ZFHX3: variants seen among roughly 807,000 people sequenced by gnomAD.
ZFHX3 encodes zinc finger homeobox 3.
Under a neutral mutation model 279.1 loss-of-function variants are expected in ZFHX3, and 42 were observed. The observed-to-expected ratio is 0.15, with a 90% CI of 0.12 to 0.19. The LOEUF is 0.19. Ranked by LOEUF, ZFHX3 falls within the 10% of genes least tolerant of loss-of-function variation. The probability of loss-of-function intolerance (pLI) is 1.00; values close to 1 mark genes in which losing one functional copy is unlikely to be tolerated. For synonymous variants in ZFHX3, 2,293 were observed against 1,957.8 expected (o/e 1.17, Z -4.52); for missense variants, 4,981 against 4,754.0 (o/e 1.05, Z -1.40).
At position 72,798,216 on chromosome 16, in the gene ZFHX3, A is replaced by C. The variant is rs769789995; in HGVS notation, c.4466T>G (p.Val1489Gly). 1.9e-6 allele frequency: 3 copies of C among 1,614,158 alleles called. No individual in the cohort carries two copies. Among genetic ancestry groups the C allele is most frequent in the Non-Finnish European group, 2.5e-6 (3 of 1,180,030 alleles). ...PTLAEDHTII[V>G]EEDKEEESDL... ...ACTCTCTTCCTCCTTGTCTTCCTCA[A>C]CAATTATGGTATGGTCCTCTGCCAG... Residue 1489 changes from valine to glycine, a missense_variant, in exon 9 of 10, where the codon GTT becomes GGT. Transcript: ENST00000268489.
chr16:73,589,811 T>C (rs562851473), intron 2 of ZFHX3, among the ~76,000 whole-genome samples: 2 of 138,170 alleles, frequency 1.4e-5, no homozygotes, highest in African/African-American at 5.4e-5. Flanking sequence ...TGGAACCTGG[T>C]AAAAGTATAA....
intron 7 of ZFHX3, among the ~76,000 whole-genome samples, chr16:73,094,088 C>T (rs1443768234): frequency 2.0e-5 from 3 of 152,190 alleles, no homozygotes; most frequent in Admixed American, 2.0e-4. Context: ...CAAATGCACA[C>T]ACAAGCTAGG....
chr16:73,750,037 C>T (rs1440257506), intron 1 of ZFHX3, among the ~76,000 whole-genome samples: 1 of 152,198 alleles, frequency 6.6e-6, no homozygotes, highest in Non-Finnish European at 1.5e-5. Context: ...TCCATTCACC[C>T]ATCCATCCAA....
intron 2 of ZFHX3, among the ~76,000 whole-genome samples, chr16:73,533,370 C>T (rs1318306902): frequency 2.7e-5 from 4 of 150,148 alleles, no homozygotes; most frequent in Non-Finnish European, 5.9e-5. Flanking sequence ...ATCCTCTTAT[C>T]TGAAGTGAAA....
At chr16:72,918,231 C>A (rs546787952) in intron 3 of ZFHX3, among the ~76,000 whole-genome samples, 1 of 152,034 alleles carries the variant, frequency 6.6e-6, no homozygotes, top group East Asian at 1.9e-4. Context: ...AAGCAGGGGG[C>A]AAGGATGGTA....
At chr16:73,172,214 A>G (rs191042057) in intron 5 of ZFHX3, among the ~76,000 whole-genome samples, 72 of 152,318 alleles carry the variant, frequency 4.7e-4, no homozygotes, top group African/African-American at 1.7e-3. Flanking sequence ...TCCAACAGCA[A>G]GTCCGGCAGC....
chr16:72,829,627 C>T (rs781132605), intron 5 of ZFHX3, 152 bp downstream of exon 5: 30 of 741,748 alleles, frequency 4.0e-5, no homozygotes, highest in South Asian at 2.4e-4. Flanking sequence ...AAGAAGCAAA[C>T]GAAATCTCCC....
chr16:73,205,436 G>A (rs779562815), intron 5 of ZFHX3, among the ~76,000 whole-genome samples: 23 of 152,268 alleles, frequency 1.5e-4, no homozygotes, highest in Admixed American at 2.6e-4. Flanking sequence ...CCAGTAAAAC[G>A]ATTTAGTTAG....
At chr16:73,273,950 C>G (rs2143036268) in intron 4 of ZFHX3, among the ~76,000 whole-genome samples, 1 of 152,248 alleles carries the variant, frequency 6.6e-6, no homozygotes, top group African/African-American at 2.4e-5. Flanking sequence ...TGAGACCAGC[C>G]TGGCCAACAT....
At chr16:72,906,908 G>C (rs1454512870) in intron 3 of ZFHX3, among the ~76,000 whole-genome samples, 1 of 152,160 alleles carries the variant, frequency 6.6e-6, no homozygotes, top group Non-Finnish European at 1.5e-5. Context: ...CTAGAGAGAG[G>C]ACTGCCCAGA....
chr16:73,663,502 C>T (rs2052806206), intron 2 of ZFHX3, among the ~76,000 whole-genome samples: 1 of 152,150 alleles, frequency 6.6e-6, no homozygotes, highest in Non-Finnish European at 1.5e-5. Flanking sequence ...CCTGTATGAT[C>T]CAAAGGAAAG....
At chr16:73,041,035 T>G (rs1965093228) in intron 1 of ZFHX3, among the ~76,000 whole-genome samples, 1 of 152,232 alleles carries the variant, frequency 6.6e-6, no homozygotes, top group Admixed American at 6.5e-5. Flanking sequence ...AAGAGTGGGC[T>G]TTTTTGATTC....
At chr16:73,251,507 G>T (rs1283444929) in intron 5 of ZFHX3, among the ~76,000 whole-genome samples, 1 of 152,128 alleles carries the variant, frequency 6.6e-6, no homozygotes, top group East Asian at 1.9e-4. Flanking sequence ...GAGGCTCAGA[G>T]AAGTGAATCA....
At chr16:73,864,591 C>T (rs1032588986) in intron 1 of ZFHX3, among the ~76,000 whole-genome samples, 8 of 152,028 alleles carry the variant, frequency 5.3e-5, no homozygotes, top group African/African-American at 1.4e-4. Context: ...TCGTGGCTGG[C>T]GCCTGTAGTC....
At chr16:73,185,991 G>A (rs753684062) in intron 5 of ZFHX3, among the ~76,000 whole-genome samples, 24 of 152,094 alleles carry the variant, frequency 1.6e-4, no homozygotes, top group Admixed American at 7.9e-4. Context: ...TCATAGGAGC[G>A]CAAACCCTTT....
chr16:73,157,178 T>C (rs139050742), intron 5 of ZFHX3, among the ~76,000 whole-genome samples: 2 of 152,296 alleles, frequency 1.3e-5, no homozygotes, highest in East Asian at 3.9e-4. Flanking sequence ...CCCAAAGGGC[T>C]GTCTCCTTTA....
At position 73,477,766 on chromosome 16, in the gene ZFHX3, A is replaced by T. The variant is rs180941829; in HGVS notation, c.-1546-21508T>A. On this transcript the variant is annotated intron_variant, in intron 2 of 17. Transcript: ENST00000641206. ...TCACATCCCTTGAGAATGGGGTGTCAGTTACCTTGTGTCTGGAACAGAGTA... is the reference window on the plus strand; with the variant it reads ...TCACATCCCTTGAGAATGGGGTGTCTGTTACCTTGTGTCTGGAACAGAGTA... 1.8e-3 allele frequency among the ~76,000 whole-genome samples: 281 copies of T among 152,298 alleles called. 2 individuals are homozygous for T. Among genetic ancestry groups the T allele is most frequent in the African/African-American group, 6.4e-3 (268 of 41,556 alleles).
intron 3 of ZFHX3, among the ~76,000 whole-genome samples, chr16:72,933,021 T>C (rs913079669): frequency 4.6e-5 from 7 of 152,116 alleles, no homozygotes; most frequent in Non-Finnish European, 1.0e-4. Context: ...CCAAGAGCTA[T>C]CTGGGTTTCC....
At chr16:73,775,736 G>A (rs540037331) in intron 1 of ZFHX3, among the ~76,000 whole-genome samples, 3 of 152,142 alleles carry the variant, frequency 2.0e-5, no homozygotes, top group Non-Finnish European at 2.9e-5. Context: ...TTTGTAAAAG[G>A]CTGCTCCATT....
Sources: gnomAD v4.1 joint callset for allele counts (sites outside exome capture counted in the v4.1 genomes callset) on GRCh38, gnomAD v4.1.1 for gene constraint, MANE v1.5 for transcripts, NCBI Gene and HGNC (gene_info 2026-07-23, HGNC 2026-07-21) for gene names.